SNX25: variants seen among roughly 807,000 people sequenced by gnomAD.
SNX25 encodes the protein sorting nexin-25.
Under a neutral mutation model 113.7 loss-of-function variants are expected in SNX25, and 62 were observed. That is an observed-to-expected ratio of 0.55 (90% confidence interval 0.44 to 0.67). SNX25 has a LOEUF of 0.67. Ranked by LOEUF, SNX25 falls within the 30% of genes least tolerant of loss-of-function variation. The pLI is 0.00. For missense variants in SNX25, 1,014 were observed against 1,161.0 expected (o/e 0.87, Z 1.84); for synonymous variants, 421 against 436.2 (o/e 0.97, Z 0.43).
At chr4:185,317,275 C>A (rs1395975968) in intron 7 of SNX25, among the ~76,000 whole-genome samples, 1 of 152,160 alleles carries the variant, frequency 6.6e-6, no homozygotes, top group Non-Finnish European at 1.5e-5. Context: ...AATGAGCTAC[C>A]GTCTCACACC....
rs77813262 is a variant in SNX25, at chr4:185,224,847, A to G, written c.429+14592A>G. On this transcript the variant is annotated intron_variant, in intron 1 of 18. Coordinates refer to ENST00000652585, the MANE Select transcript of SNX25 (RefSeq NM_001378034.2). ...TGTGGTCTTTGAGTGTTTTCTTGCTATGTGGTATAACAAAATGTTTCAGGC... is the reference window on the plus strand; with the variant it reads ...TGTGGTCTTTGAGTGTTTTCTTGCTGTGTGGTATAACAAAATGTTTCAGGC... Among the ~76,000 whole-genome samples, 854 of 151,460 alleles carry G rather than the reference A, an allele frequency of 5.6e-3. 6 individuals are homozygous for G. The highest frequency in any genetic ancestry group is 0.019 in the African/African-American group (780 of 41,404).
chr4:185,210,904 G>A lies in SNX25; in HGVS notation c.429+649G>A, dbSNP rs564133609. On this transcript the variant is annotated intron_variant, in intron 1 of 18. Transcript: ENST00000652585. This position sits in a 1 kb window ranked among gnomAD's most constrained non-coding sequence, Gnocchi z 4.4. ...CGCGCTGTGGGACACTAGGGCGGGG[G>A]TTAGGGAATGTAGGAAAGAACAGTG... Among the ~76,000 whole-genome samples the A allele has an allele frequency of 6.6e-6, 1 of 152,256 alleles. No homozygotes were observed. Among genetic ancestry groups the A allele is most frequent in the East Asian group, 1.9e-4 (1 of 5,172 alleles).
At position 185,264,553 on chromosome 4, in the gene SNX25, A is replaced by G; in HGVS notation, c.847A>G (p.Lys283Glu). 2 of 1,614,028 alleles carry G rather than the reference A, an allele frequency of 1.2e-6. No individual in the cohort carries two copies. Among genetic ancestry groups the G allele is most frequent in the Non-Finnish European group, 1.7e-6 (2 of 1,179,942 alleles). ...RVLVFCLLPS[K>E]DVQSLSLRIM... ...TCTGGTGTTTTGTCTCCTCCCCTCA[A>G]AGGATGTGCAGTCTCTCAGCTTACG... The change falls in exon 4 of 19, where the codon AAG (lysine) becomes GAG (glutamate). Residue 283 changes from lysine (K) to glutamate (E), a missense_variant. Transcript: ENST00000652585.
In SNX25 at chr4:185,342,101, C is replaced by T. The variant is rs1226255986; in HGVS notation, c.2172C>T (p.His724=). 1.9e-6 allele frequency: 3 copies of T among 1,599,628 alleles called. No individual in the cohort carries two copies. Among genetic ancestry groups the T allele is most frequent in the Non-Finnish European group, 2.6e-6 (3 of 1,174,420 alleles). ...GGCTCAGCGAGTTTCAGAATTTACA[C>T]CGGAAACTCAGTGAGGTATGAATAC... ...PRRLSEFQNL[H]RKLSECVPSL... Residue 724 remains histidine (H), a synonymous_variant, in exon 12 of 19, where the codon CAC becomes CAT. Coordinates refer to ENST00000652585, the MANE Select transcript of SNX25 (RefSeq NM_001378034.2).
At chr4:185,304,720 C>T (rs1754211046) in intron 6 of SNX25, among the ~76,000 whole-genome samples, 1 of 152,120 alleles carries the variant, frequency 6.6e-6, no homozygotes, top group Non-Finnish European at 1.5e-5. Context: ...AACTCCTGGC[C>T]TCAAGCCATC....
downstream of SNX25, chr4:185,370,562 C>T: frequency 2.8e-6 from 4 of 1,451,776 alleles, no homozygotes; most frequent in South Asian, 5.1e-5. Flanking sequence ...AAACACTAAT[C>T]CGTAAAACTA....
rs567356664 is a variant in SNX25, at chr4:185,310,647, C to T, written c.1175C>T (p.Ala392Val). The change falls in exon 7 of 19, where the codon GCG becomes GTG. Residue 392 changes from alanine to valine, a missense_variant. By Grantham distance (64) the Ala-to-Val change is moderately conservative (BLOSUM62 0). Coordinates refer to ENST00000652585, the MANE Select transcript of SNX25 (RefSeq NM_001378034.2). ...QLKRHKGKET[A>V]AMKADLLRAR... ...ACTCCTATTCAAGGTAAAGAAACTG[C>T]GGCAATGAAAGCTGATCTCCTGAGG... 6.2e-6 allele frequency: 10 copies of T among 1,612,362 alleles called. No individual in the cohort carries two copies. Among genetic ancestry groups the T allele is most frequent in the Admixed American group, 5.0e-5 (3 of 59,808 alleles).
chr4:185,328,404 G>A (rs2095171144), intron 9 of SNX25, among the ~76,000 whole-genome samples: 1 of 152,080 alleles, frequency 6.6e-6, no homozygotes, highest in African/African-American at 2.4e-5. Context: ...AGGCCACCAG[G>A]TGTCATTTTA....
rs1436055400 is a variant in SNX25, at chr4:185,311,570, C to G, written c.1344+754C>G. On this transcript the variant is annotated intron_variant, in intron 7 of 18. Transcript: ENST00000652585. ...GAGCTTAGCTGTGCCGTGGAAGGAA[C>G]AGGACCTCAAAGCAGATGCCAGACT... 2.0e-5 allele frequency among the ~76,000 whole-genome samples: 3 copies of G among 152,332 alleles called. No homozygotes were observed. The South Asian group carries it at 6.2e-4, about 32-fold the overall frequency.
intron 14 of SNX25, among the ~76,000 whole-genome samples, chr4:185,352,795 A>G (rs1159668684): frequency 1.3e-5 from 2 of 152,050 alleles, no homozygotes; most frequent in Non-Finnish European, 2.9e-5. Flanking sequence ...TTCAGCTCCT[A>G]CCTCTACACA....
At chr4:185,291,234 A>G (rs1011384908) in intron 6 of SNX25, among the ~76,000 whole-genome samples, 1 of 152,186 alleles carries the variant, frequency 6.6e-6, no homozygotes, top group Non-Finnish European at 1.5e-5. Context: ...AAAATTTACC[A>G]TTTTTAAGTG....
intron 1 of SNX25, 147 bp from the exon 2 acceptor site, chr4:185,247,147 T>G: frequency 1.8e-6 from 1 of 563,956 alleles, no homozygotes; most frequent in Non-Finnish European, 3.1e-6. Context: ...ACCTTAAGCA[T>G]TTATTTACTT....
downstream of SNX25, among the ~76,000 whole-genome samples, chr4:185,373,622 AGTT>A (rs2095423521): frequency 6.6e-6 from 1 of 152,212 alleles, no homozygotes. Flanking sequence ...AGATGGCCTT[AGTT>A]GTTATGTGTC....
At chr4:185,356,832 A>G (rs2095341471) in intron 15 of SNX25, among the ~76,000 whole-genome samples, 1 of 152,176 alleles carries the variant, frequency 6.6e-6, no homozygotes, top group South Asian at 2.1e-4. Flanking sequence ...GAATATATAA[A>G]TGAAAATTTT....
intron 16 of SNX25, among the ~76,000 whole-genome samples, chr4:185,361,226 G>A (rs1420290263): frequency 6.6e-6 from 1 of 152,142 alleles, no homozygotes; most frequent in East Asian, 1.9e-4. Context: ...TCCTCCTGCG[G>A]AACTTCAGGA....
At chr4:185,352,805 A>C (rs2095322531) in intron 14 of SNX25, among the ~76,000 whole-genome samples, 1 of 152,146 alleles carries the variant, frequency 6.6e-6, no homozygotes, top group Admixed American at 6.5e-5. Context: ...ACCTCTACAC[A>C]GACACTGCAG....
chr4:185,222,282 G>T (rs72706101), intron 1 of SNX25, among the ~76,000 whole-genome samples: 18 of 20,888 alleles, frequency 8.6e-4, no homozygotes, highest in South Asian at 5.9e-3. Context: ...CCTCCTTCGC[G>T]GTAGGTATAC....
chr4:185,212,491 G>GTGTGTGTGTTTTTGTTTTT (rs546083196), intron 1 of SNX25, among the ~76,000 whole-genome samples: 3 of 104,942 alleles, frequency 2.9e-5, no homozygotes, highest in East Asian at 2.7e-4. Flanking sequence ...GTGTGTGTGT[G>GTGTGTGTGTTTTTGTTTTT]TTTTTTTTTT....
chr4:185,207,912 TA>T (rs1231755342), upstream of SNX25: 2 of 152,224 alleles, frequency 1.3e-5, no homozygotes, highest in Non-Finnish European at 2.9e-5. Context: ...AAATTTATCA[TA>T]AAGAATTCAG....
Sources: allele counts gnomAD v4.1 joint callset (sites outside exome capture counted in the v4.1 genomes callset), GRCh38; gene constraint gnomAD v4.1.1; non-coding constraint Gnocchi (gnomAD v3.1); transcripts MANE v1.5; gene names NCBI Gene and HGNC (gene_info 2026-07-23, HGNC 2026-07-21).